The following MYH7B variants were observed in gnomAD, a reference collection of about 807,000 sequenced individuals.
MYH7B encodes the protein myosin-7B.
MYH7B carries 205 observed loss-of-function variants against 234.5 expected under a neutral mutation model. That is an observed-to-expected ratio of 0.87 (90% confidence interval 0.78 to 0.98). The LOEUF (loss-of-function observed/expected upper bound fraction) is 0.98. Ranked by LOEUF, MYH7B falls within the 50% of genes least tolerant of loss-of-function variation. The probability of loss-of-function intolerance (pLI) is 0.00; values close to 1 mark genes in which losing one functional copy is unlikely to be tolerated. For missense variants in MYH7B, 2,652 were observed against 2,633.4 expected, an observed-to-expected ratio of 1.01 and a Z score of -0.15; for synonymous variants, 1,193 against 1,105.0, an observed-to-expected ratio of 1.08 and a Z score of -1.58.
chr20:34,997,595 G>T, exon 32 of MYH7B: 1 of 1,613,632 alleles, frequency 6.2e-7, no homozygotes, highest in Non-Finnish European at 8.5e-7. Flanking sequence ...TGCGCATGGA[G>T]GTGGACGACC....
exon 31 of MYH7B, chr20:34,997,129 C>A (rs763505797): frequency 3.9e-6 from 6 of 1,549,254 alleles, no homozygotes; most frequent in Non-Finnish European, 5.2e-6. Flanking sequence ...GGAAGACGAG[C>A]AGCTCTTGGG....
chr20:34,971,036 C>T (rs75866240), intron 2 of MYH7B, among the ~76,000 whole-genome samples: 12,414 of 152,184 alleles, frequency 0.082, 589 homozygotes, highest in South Asian at 0.13. Context: ...CTGTCCATCC[C>T]TCCAGAACAG....
intron 36 of MYH7B, 52 bp downstream of exon 36, chr20:34,999,457 C>CT (rs763223647): frequency 1.6e-5 from 25 of 1,522,010 alleles, no homozygotes; most frequent in African/African-American, 4.2e-5. Flanking sequence ...GTCGGAGCAA[C>CT]TTTGAGTTAT....
exon 36 of MYH7B, chr20:34,999,389 G>A: frequency 1.3e-6 from 2 of 1,522,028 alleles, no homozygotes; most frequent in East Asian, 2.3e-5. Flanking sequence ...TCAAGCGGGA[G>A]AACAAGAACC....
chr20:34,986,718 GGAGT>G (rs1283623015), intron 14 of MYH7B, among the ~76,000 whole-genome samples, 164 bp from the exon 15 acceptor site: 1 of 152,196 alleles, frequency 6.6e-6, no homozygotes, highest in Non-Finnish European at 1.5e-5. Context: ...AGCCTTGGCA[GGAGT>G]GAGGATGAGA....
intron 3 of MYH7B, among the ~76,000 whole-genome samples, 151 bp downstream of exon 3, chr20:34,975,650 A>G (rs972744929): frequency 6.6e-6 from 1 of 152,192 alleles, no homozygotes; most frequent in Non-Finnish European, 1.5e-5. Flanking sequence ...TAATGGAGAC[A>G]CACTGTAGGA....
At chr20:34,956,649 G>A (rs2081638283) in intron 1 of MYH7B, among the ~76,000 whole-genome samples, 1 of 152,202 alleles carries the variant, frequency 6.6e-6, no homozygotes, top group Non-Finnish European at 1.5e-5. Context: ...AAGGAATCAG[G>A]GATGGTTTTT....
At chr20:34,978,028 G>T in exon 5 of MYH7B, 1 of 1,614,102 alleles carries the variant, frequency 6.2e-7, no homozygotes, top group Non-Finnish European at 8.5e-7. Context: ...AGTGAACTTG[G>T]GGAGTCTGCC....
chr20:34,997,207 C>G, intron 31 of MYH7B, 34 bp downstream of exon 31: 2 of 1,552,350 alleles, frequency 1.3e-6, no homozygotes, highest in Non-Finnish European at 1.7e-6. Flanking sequence ...GGCCTGGGGT[C>G]AGAGGCCCAC....
chr20:35,001,921 G>A (rs772423384), intron 43 of MYH7B, 27 bp from the exon 44 acceptor site: 72 of 1,605,136 alleles, frequency 4.5e-5, no homozygotes, highest in Non-Finnish European at 5.7e-5. Context: ...CACCCAAGCG[G>A]AACCAAGGCC....
At position 34,989,939 on chromosome 20, in the gene MYH7B, C is replaced by T. The variant is rs1244712101; in HGVS notation, c.1767+20C>T. ...GGCGTGGTAGGTGCTTGCTGGAACC[C>T]CAGCCCTCGGCCAGGCTCCTCCCGC... On this transcript the variant is annotated intron_variant, in intron 20 of 44. Transcript: ENST00000262873. 1 of 1,612,874 alleles carries T rather than the reference C, an allele frequency of 6.2e-7. No homozygotes were observed. The highest frequency in any genetic ancestry group is 1.3e-5 in the African/African-American group (1 of 74,916).
chr20:34,984,544 G>C, intron 10 of MYH7B, 148 bp from the exon 11 acceptor site: 2 of 707,046 alleles, frequency 2.8e-6, no homozygotes, highest in South Asian at 3.5e-5. Context: ...GGGTCAGGCC[G>C]AGGGGCTGAG....
Position 34,987,796 on chromosome 20 carries a change from C to G in MYH7B, c.1298C>G (p.Ala433Gly), listed in dbSNP as rs772171093. The G allele has an allele frequency of 1.9e-6, 3 of 1,614,166 alleles. No homozygotes were observed. In the East Asian group the frequency reaches 6.7e-5, roughly 36 times the overall value. ...TTTGCTGTGGGGGCTCTGGCCAAGGCCACCTATGACCGGCTGTTCAGGTGG... is the reference window on the plus strand; with the variant it reads ...TTTGCTGTGGGGGCTCTGGCCAAGGGCACCTATGACCGGCTGTTCAGGTGG... Residue 433 changes from alanine (A) to glycine (G), a missense_variant, in exon 18 of 45, where the codon GCC becomes GGC. By Grantham distance (60) the Ala-to-Gly change is moderately conservative (BLOSUM62 0). Coordinates refer to ENST00000262873, the Ensembl canonical transcript of MYH7B.
At chr20:34,969,144 A>AAG (rs1237465046) in intron 2 of MYH7B, among the ~76,000 whole-genome samples, 3 of 152,086 alleles carry the variant, frequency 2.0e-5, no homozygotes, top group Non-Finnish European at 4.4e-5. Flanking sequence ...GACTGGAGGA[A>AAG]AGAGGGTACC....
exon 39 of MYH7B, chr20:35,000,521 G>T: frequency 6.3e-7 from 1 of 1,594,324 alleles, no homozygotes; most frequent in Non-Finnish European, 8.5e-7. Context: ...AGCAGCGGCT[G>T]GCAGCTGAGC....
intron 35 of MYH7B, 23 bp from the exon 36 acceptor site, chr20:34,999,033 C>G: frequency 6.3e-7 from 1 of 1,598,444 alleles, no homozygotes; most frequent in Non-Finnish European, 8.5e-7. Flanking sequence ...ATGGTCCACA[C>G]CTTGTCTGGT....
In MYH7B at chr20:34,982,521, T is replaced by C. The variant is rs767776965; in HGVS notation, c.590T>C (p.Val197Ala). The change falls in exon 10 of 45, where the codon GTC becomes GCC. Residue 197 changes from valine (V) to alanine (A), a missense_variant. Transcript: ENST00000262873. Reference sequence around the variant, plus strand: ...CGGGTCATTCAGTACTTTGCCATCGTCGCTGCCCTGGGAGACGGGCCGGGC... The same window carrying C: ...CGGGTCATTCAGTACTTTGCCATCGCCGCTGCCCTGGGAGACGGGCCGGGC... The C allele has an allele frequency of 9.4e-5, 151 of 1,611,900 alleles. No individual in the cohort carries two copies. The highest frequency in any genetic ancestry group is 1.2e-4 in the Non-Finnish European group (146 of 1,178,818).
intron 2 of MYH7B, among the ~76,000 whole-genome samples, chr20:34,973,694 TCTACTTTTGAGG>T (rs1021354111): frequency 3.9e-4 from 59 of 152,356 alleles, no homozygotes; most frequent in African/African-American, 1.3e-3. Context: ...TGCCCATGGA[TCTACTTTTGAGG>T]CTACACAAGT....
chr20:34,998,437 A>C lies in MYH7B; in HGVS notation c.3874+16A>C, dbSNP rs763334270. Reference sequence around the variant, plus strand: ...ACGGAAAGCGGTGAGGCTGGGGCTCAGCTGGCCACACCAGGCAGGGCTTTG... The same window carrying C: ...ACGGAAAGCGGTGAGGCTGGGGCTCCGCTGGCCACACCAGGCAGGGCTTTG... On this transcript the variant is annotated intron_variant, in intron 33 of 44. Transcript: ENST00000262873. The C allele has an allele frequency of 1.2e-6, 2 of 1,612,804 alleles. No individual in the cohort carries two copies. The highest frequency in any genetic ancestry group is 1.7e-6 in the Non-Finnish European group (2 of 1,179,966).
Sources: gnomAD v4.1 joint callset for allele counts (sites outside exome capture counted in the v4.1 genomes callset) on GRCh38, gnomAD v4.1.1 for gene constraint, MANE v1.5 for transcripts, NCBI Gene and HGNC (gene_info 2026-07-23, HGNC 2026-07-21) for gene names.